Variants in PTN observed in about 807,000 individuals in gnomAD.
PTN encodes the protein pleiotrophin, also known as heparin affin regulatory protein.
In PTN, 18 loss-of-function variants were observed where a neutral mutation model predicts 24.1. The ratio of observed to expected loss-of-function variants is 0.75; its 90% CI spans 0.52 to 1.11. PTN has a LOEUF of 1.11. PTN is among the 50% of genes least tolerant of loss of function. The pLI is 0.00. For synonymous variants in PTN, 78 were observed against 68.6 expected, an observed-to-expected ratio of 1.14 and a Z score of -0.67; for missense variants, 163 against 198.8, an observed-to-expected ratio of 0.82 and a Z score of 1.08.
chr7:137,328,028 T>C (rs1027678997), intron 1 of PTN, among the ~76,000 whole-genome samples: 31 of 152,214 alleles, frequency 2.0e-4, no homozygotes, highest in African/African-American at 7.2e-4. Flanking sequence ...ATAAAAATTA[T>C]ATTATCAGTT....
chr7:137,309,758 T>C (rs1041766201), intron 1 of PTN, among the ~76,000 whole-genome samples: 1 of 152,198 alleles, frequency 6.6e-6, no homozygotes, highest in Admixed American at 6.5e-5. Context: ...AGCAATATTT[T>C]CAGGCTCCAC....
intron 1 of PTN, among the ~76,000 whole-genome samples, chr7:137,340,767 C>T (rs1810520769): frequency 6.6e-6 from 1 of 152,154 alleles, no homozygotes; most frequent in Non-Finnish European, 1.5e-5. Context: ...TGGAGAGCTC[C>T]CACTCAGCCT....
At position 137,249,105 on chromosome 7, in the gene PTN, G is replaced by A. The variant is rs548366098; in HGVS notation, c.451+2125C>T. On this transcript the variant is annotated intron_variant, in intron 4 of 4. Coordinates refer to ENST00000348225, the MANE Select transcript of PTN (RefSeq NM_002825.7). ...ACTTATTTCCTAAATATCGTTTAGG[G>A]TTCTATCTTAATCATGTTCCCTGCT... Among the ~76,000 whole-genome samples, 6 of 152,136 alleles carry A rather than the reference G, an allele frequency of 3.9e-5. No homozygotes were observed. In the South Asian group the frequency reaches 6.2e-4, roughly 16 times the overall value.
chr7:137,256,538 T>C (rs923772276), intron 1 of PTN, among the ~76,000 whole-genome samples: 1 of 152,208 alleles, frequency 6.6e-6, no homozygotes, highest in African/African-American at 2.4e-5. Flanking sequence ...TGTATATATG[T>C]ACCAAATTTT....
intron 1 of PTN, among the ~76,000 whole-genome samples, chr7:137,258,189 GA>G (rs1808969309): frequency 6.6e-6 from 1 of 151,986 alleles, no homozygotes; most frequent in Admixed American, 6.6e-5. Flanking sequence ...TTTTAGTATA[GA>G]ATAGTCTACT....
At chr7:137,253,934 A>C (rs1808872618) in intron 2 of PTN, among the ~76,000 whole-genome samples, 1 of 152,202 alleles carries the variant, frequency 6.6e-6, no homozygotes, top group Non-Finnish European at 1.5e-5. Flanking sequence ...TTTTAGAAGC[A>C]AACATTTCTA....
At chr7:137,277,601 A>C (rs943939255) in intron 1 of PTN, among the ~76,000 whole-genome samples, 1 of 152,114 alleles carries the variant, frequency 6.6e-6, no homozygotes, top group Non-Finnish European at 1.5e-5. Flanking sequence ...ACAAGGTCTC[A>C]CTCTGCCACC....
At chr7:137,251,526 C>A (rs1490194282) in intron 3 of PTN, 135 bp from the exon 4 acceptor site, 3 of 975,602 alleles carry the variant, frequency 3.1e-6, no homozygotes, top group Non-Finnish European at 4.6e-6. Context: ...AGAAATAATA[C>A]AGAGTGTATG....
At chr7:137,343,210 C>A (rs762471163) in intron 1 of PTN, among the ~76,000 whole-genome samples, 1 of 152,104 alleles carries the variant, frequency 6.6e-6, no homozygotes, top group African/African-American at 2.4e-5. Flanking sequence ...AACTTCTTTC[C>A]TTTCACTTAC....
At chr7:137,322,372 T>C (rs1013881187) in intron 1 of PTN, among the ~76,000 whole-genome samples, 2 of 152,136 alleles carry the variant, frequency 1.3e-5, no homozygotes, top group South Asian at 4.1e-4. Flanking sequence ...TTTTTAGGAG[T>C]GACATATGAG....
intron 1 of PTN, among the ~76,000 whole-genome samples, chr7:137,309,239 G>C (rs905011151): frequency 2.0e-5 from 3 of 152,330 alleles, no homozygotes; most frequent in African/African-American, 4.8e-5. Flanking sequence ...AGCCTATTAA[G>C]TGTGCAATAG....
chr7:137,244,374 ATTTTTTTTT>A (rs1242182641), intron 4 of PTN, among the ~76,000 whole-genome samples: 1 of 131,166 alleles, frequency 7.6e-6, no homozygotes, highest in Non-Finnish European at 1.6e-5. Flanking sequence ...TCTCCTCAGA[ATTTTTTTTT>A]TTTTTTTTTT....
At chr7:137,281,029 C>T (rs1355906825) in intron 1 of PTN, among the ~76,000 whole-genome samples, 1 of 152,146 alleles carries the variant, frequency 6.6e-6, no homozygotes, top group South Asian at 2.1e-4. Flanking sequence ...GTTAAAATAT[C>T]ACATAGCTGT....
chr7:137,230,389 A>G (rs2128867076), intron 4 of PTN, among the ~76,000 whole-genome samples: 1 of 151,976 alleles, frequency 6.6e-6, no homozygotes, highest in African/African-American at 2.4e-5. Context: ...TACAATGTCA[A>G]TCAACTTATT....
intron 1 of PTN, among the ~76,000 whole-genome samples, chr7:137,286,314 T>C (rs1445077317): frequency 6.6e-6 from 1 of 152,210 alleles, no homozygotes; most frequent in African/African-American, 2.4e-5. Context: ...AATTAGTACC[T>C]AAAGGCATGA....
Position 137,251,274 on chromosome 7 carries a change from G to A in PTN, c.407C>T (p.Thr136Ile). 6.2e-7 allele frequency: 1 copy of A among 1,614,140 alleles called. No individual in the cohort carries two copies. The highest frequency in any genetic ancestry group is 2.2e-5 in the East Asian group (1 of 44,870). ...LHNAECQKTV[T>I]ISKPCGKLTK... ...CAGTTTGCCACAGGGCTTGGAGATGGTGACAGTCTTCTGGCATTCGGCATT... is the reference window on the plus strand; with the variant it reads ...CAGTTTGCCACAGGGCTTGGAGATGATGACAGTCTTCTGGCATTCGGCATT... Residue 136 changes from threonine (T) to isoleucine (I), a missense_variant, in exon 4 of 5, where the codon ACC becomes ATC. Coordinates refer to ENST00000348225, the MANE Select transcript of PTN (RefSeq NM_002825.7).
intron 4 of PTN, among the ~76,000 whole-genome samples, chr7:137,248,074 G>A (rs1295498071): frequency 6.6e-6 from 1 of 152,134 alleles, no homozygotes; most frequent in African/African-American, 2.4e-5. Flanking sequence ...AAAACACCTA[G>A]AGCAATGTAT....
At chr7:137,284,061 G>C (rs1809516600) in intron 1 of PTN, among the ~76,000 whole-genome samples, 1 of 138,314 alleles carries the variant, frequency 7.2e-6, no homozygotes, top group Non-Finnish European at 1.5e-5. Flanking sequence ...CCGCCTCCCG[G>C]GTTGACGCCA....
At chr7:137,322,498 A>G (rs1810179635) in intron 1 of PTN, among the ~76,000 whole-genome samples, 2 of 152,198 alleles carry the variant, frequency 1.3e-5, no homozygotes, top group African/African-American at 4.8e-5. Context: ...TTTAAGATCA[A>G]CCTTAATTAT....
Sources: allele counts gnomAD v4.1 joint callset (sites outside exome capture counted in the v4.1 genomes callset), GRCh38; gene constraint gnomAD v4.1.1; transcripts MANE v1.5; gene names NCBI Gene and HGNC (gene_info 2026-07-23, HGNC 2026-07-21).